STAT5B: variants seen among roughly 807,000 people sequenced by gnomAD.
The protein encoded by STAT5B is transcription factor STAT5B.
Under a neutral mutation model 107.8 loss-of-function variants are expected in STAT5B, and 21 were observed. The ratio of observed to expected loss-of-function variants is 0.19; its 90% CI spans 0.14 to 0.28. STAT5B has a LOEUF of 0.28. Among genes scored for constraint, STAT5B ranks in the 10% least tolerant of loss-of-function variants. STAT5B has a pLI of 1.00. For synonymous variants in STAT5B, 325 were observed against 401.7 expected (o/e 0.81, Z 2.28); for missense variants, 565 against 1,008.2 (o/e 0.56, Z 5.95).
intron 3 of STAT5B, among the ~76,000 whole-genome samples, chr17:42,226,023 C>T (rs1325323082): frequency 6.6e-6 from 1 of 152,200 alleles, no homozygotes; most frequent in Non-Finnish European, 1.5e-5. Context: ...CAACCTCTGC[C>T]TCCCAGGTTT....
intron 3 of STAT5B, among the ~76,000 whole-genome samples, chr17:42,225,615 G>A (rs1025662860): frequency 5.3e-5 from 8 of 152,246 alleles, no homozygotes; most frequent in African/African-American, 1.2e-4. Flanking sequence ...AAATGGCATC[G>A]TTTTGCATAG....
At chr17:42,256,721 G>A (rs992017460) in intron 1 of STAT5B, among the ~76,000 whole-genome samples, 8 of 151,806 alleles carry the variant, frequency 5.3e-5, no homozygotes, top group Admixed American at 3.9e-4. Context: ...AATTAGCCGG[G>A]TGTGGTGGCA....
At chr17:42,264,018 G>C (rs893899882) in intron 1 of STAT5B, among the ~76,000 whole-genome samples, 2 of 151,800 alleles carry the variant, frequency 1.3e-5, no homozygotes, top group South Asian at 4.2e-4. Flanking sequence ...GTAATATATA[G>C]TGAATTTTGT....
intron 17 of STAT5B, 96 bp from the exon 18 acceptor site, chr17:42,202,543 G>A: frequency 6.7e-7 from 1 of 1,496,710 alleles, no homozygotes; most frequent in South Asian, 1.1e-5. Flanking sequence ...TTCTCAGGGT[G>A]TAGAAGGACA....
At chr17:42,246,973 C>T (rs926641953) in intron 1 of STAT5B, among the ~76,000 whole-genome samples, 8 of 152,152 alleles carry the variant, frequency 5.3e-5, no homozygotes, top group African/African-American at 1.9e-4. Context: ...CCAACAGAAC[C>T]GGGGAGAAAT....
chr17:42,205,340 A>G (rs1257072234), intron 16 of STAT5B, among the ~76,000 whole-genome samples: 1 of 151,652 alleles, frequency 6.6e-6, no homozygotes, highest in East Asian at 2.0e-4. Context: ...TACCTAGGAT[A>G]TATTTCCAAG....
At chr17:42,216,166 T>C (rs76791435) in intron 11 of STAT5B, 60 bp from the exon 12 acceptor site, 15 of 458,850 alleles carry the variant, frequency 3.3e-5, no homozygotes, top group Non-Finnish European at 1.2e-5. Context: ...TCCTTCTCTC[T>C]TTTTTTTTTT....
At chr17:42,242,136 AG>A (rs1477379269) in intron 1 of STAT5B, among the ~76,000 whole-genome samples, 1 of 152,200 alleles carries the variant, frequency 6.6e-6, no homozygotes, top group Non-Finnish European at 1.5e-5. Context: ...AGAATGGAGG[AG>A]GGGAAAAGGG....
chr17:42,274,259 T>A (rs1276984336), intron 1 of STAT5B, among the ~76,000 whole-genome samples: 1 of 144,942 alleles, frequency 6.9e-6, no homozygotes, highest in African/African-American at 2.6e-5. Flanking sequence ...AATCAACTTT[T>A]TTTTTCTGAT....
chr17:42,227,779 G>T, intron 2 of STAT5B, 94 bp from the exon 3 acceptor site: 1 of 1,365,200 alleles, frequency 7.3e-7, no homozygotes, highest in Non-Finnish European at 1.0e-6. Context: ...TTCAACTAAA[G>T]TGATGTTTTT....
chr17:42,243,313 G>A (rs545766557), intron 1 of STAT5B, among the ~76,000 whole-genome samples: 203 of 152,162 alleles, frequency 1.3e-3, no homozygotes, highest in Non-Finnish European at 2.2e-3. Flanking sequence ...CTGAGATTGC[G>A]CCACTTGCAC....
At chr17:42,278,841 T>C (rs959548861), upstream of STAT5B, among the ~76,000 whole-genome samples, 4 of 151,758 alleles carry the variant, frequency 2.6e-5, no homozygotes, top group African/African-American at 9.7e-5. Flanking sequence ...TAGCTGGACG[T>C]GGTGGTGCGC....
intron 1 of STAT5B, among the ~76,000 whole-genome samples, chr17:42,263,871 G>GCGCACA (rs1007528555): frequency 0.05 from 7,312 of 144,884 alleles, 216 homozygotes; most frequent in Non-Finnish European, 0.065. Flanking sequence ...TAGAAAGCGC[G>GCGCACA]CACACACACA....
At position 42,276,118 on chromosome 17, in the gene STAT5B, G is replaced by A. The variant is rs528691147; in HGVS notation, c.-11+130C>T. On this transcript the variant is annotated intron_variant, in intron 1 of 18. Coordinates refer to ENST00000293328, the MANE Select transcript of STAT5B (RefSeq NM_012448.4). This position sits in a 1 kb window ranked among gnomAD's most constrained non-coding sequence, Gnocchi z 4.8. ...CCCTCGCCCAGCGCGCAACCACCGCGGCCCGGGAGTGATGGCGGCGGCGCG... is the reference window on the plus strand; with the variant it reads ...CCCTCGCCCAGCGCGCAACCACCGCAGCCCGGGAGTGATGGCGGCGGCGCG... The A allele has an allele frequency of 2.0e-5, 3 of 149,958 alleles. No homozygotes were observed. The highest frequency in any genetic ancestry group is 7.3e-5 in the African/African-American group (3 of 41,062). 9.3% of individuals were successfully genotyped at this position (149,958 alleles called of 1,614,324 possible).
intron 18 of STAT5B, 71 bp downstream of exon 18, chr17:42,202,269 C>G: frequency 6.4e-7 from 1 of 1,570,294 alleles, no homozygotes; most frequent in Non-Finnish European, 8.7e-7. Flanking sequence ...TGACCCCAGC[C>G]CTCCAGGGGT....
intron 12 of STAT5B, among the ~76,000 whole-genome samples, chr17:42,213,388 G>A (rs2080144825): frequency 6.6e-6 from 1 of 152,000 alleles, no homozygotes; most frequent in South Asian, 2.1e-4. Context: ...TGTGTTTTTT[G>A]TAGAGACAGG....
At chr17:42,273,194 CTGTTG>C (rs1352619692) in intron 1 of STAT5B, among the ~76,000 whole-genome samples, 1 of 151,880 alleles carries the variant, frequency 6.6e-6, no homozygotes, top group Non-Finnish European at 1.5e-5. Context: ...AAGCATAAAA[CTGTTG>C]TGTTTCCAAC....
At chr17:42,262,425 A>G (rs1193627030) in intron 1 of STAT5B, among the ~76,000 whole-genome samples, 2 of 152,142 alleles carry the variant, frequency 1.3e-5, no homozygotes, top group Non-Finnish European at 2.9e-5. Context: ...ATTTAATGTA[A>G]ATTTAATTAA....
At position 42,204,521 on chromosome 17, in the gene STAT5B, G is replaced by A. The variant is rs184658666; in HGVS notation, c.2078-1713C>T. On this transcript the variant is annotated intron_variant, in intron 16 of 18. Coordinates refer to ENST00000293328, the MANE Select transcript of STAT5B (RefSeq NM_012448.4). The stretch of plus-strand genomic sequence containing the variant: ...TTCTAGGGCTTCAAGTGTCAGGAGC[G>A]ACCTTTTCATAACATGTTTTTTGTG... Among the ~76,000 whole-genome samples the A allele has an allele frequency of 7.7e-4, 117 of 152,264 alleles. 1 individual carries two copies. The East Asian group carries it at 0.013, about 18-fold the overall frequency.
Sources: gnomAD v4.1 joint callset for allele counts (sites outside exome capture counted in the v4.1 genomes callset) on GRCh38, gnomAD v4.1.1 for gene constraint, Gnocchi (gnomAD v3.1) non-coding constraint, MANE v1.5 for transcripts, NCBI Gene and HGNC (gene_info 2026-07-23, HGNC 2026-07-21) for gene names.